The following NPHP3 variants were observed in gnomAD, a reference collection of about 807,000 sequenced individuals.
The protein encoded by NPHP3 is nephrocystin-3.
Under a neutral mutation model 171.9 loss-of-function variants are expected in NPHP3, and 123 were observed. The ratio of observed to expected loss-of-function variants is 0.72; its 90% CI spans 0.62 to 0.83. NPHP3 has a LOEUF of 0.83. Ranked by LOEUF, NPHP3 falls within the 40% of genes least tolerant of loss-of-function variation. The pLI, the probability that NPHP3 is intolerant of heterozygous loss-of-function variation, is 0.00. For synonymous variants in NPHP3, 558 were observed against 579.2 expected (o/e 0.96, Z 0.52); for missense variants, 1,506 against 1,591.9 (o/e 0.95, Z 0.92).
intron 6 of NPHP3, among the ~76,000 whole-genome samples, chr3:132,708,633 G>A (rs2107991091): frequency 6.6e-6 from 1 of 152,306 alleles, no homozygotes; most frequent in South Asian, 2.1e-4. Flanking sequence ...ATTTAAAAAT[G>A]TATAATTTCC....
intron 6 of NPHP3, chr3:132,712,290 A>C: frequency 2.5e-6 from 1 of 394,534 alleles, no homozygotes; most frequent in Non-Finnish European, 5.0e-6. Flanking sequence ...TACATAGTTC[A>C]AATACCTCTC....
In NPHP3 at chr3:132,718,997, T is replaced by C; in HGVS notation, c.667A>G (p.Thr223Ala). Reference sequence around the variant, plus strand: ...TATAAATAGGATATACACTTACCAGTGACATCTGTACAGTTGTCATCTGAA... The same window carrying C: ...TATAAATAGGATATACACTTACCAGCGACATCTGTACAGTTGTCATCTGAA... ...SDSDDNCTDV[T>A]AAGTQCEYWT... The change falls in exon 3 of 27, where the codon ACT (threonine) becomes GCT (alanine). Residue 223 changes from threonine to alanine, a missense_variant. Physicochemically the swap from Thr to Ala is moderately conservative, Grantham distance 58. Coordinates refer to ENST00000337331, the MANE Select transcript of NPHP3 (RefSeq NM_153240.5). 1 of 1,614,146 alleles carries C rather than the reference T, an allele frequency of 6.2e-7. No homozygotes were observed.
At position 132,722,238 on chromosome 3, in the gene NPHP3, G is replaced by A. The variant is rs374281831; in HGVS notation, c.118C>T (p.Leu40=). The change falls in exon 1 of 27, where the codon CTG becomes TTG. Residue 40 remains leucine (L), a synonymous_variant. Coordinates refer to ENST00000337331, the MANE Select transcript of NPHP3 (RefSeq NM_153240.5). The stretch of plus-strand genomic sequence containing the variant: ...CCTCGGCGGAACGAGTTGCGCAGCA[G>A]GCGGGCCTTGGGCTTCACCTCCACC... ...IPVEVKPKAR[L]LRNSFRRGAG... The A allele has an allele frequency of 6.3e-5, 99 of 1,559,948 alleles. No homozygotes were observed. The African/African-American group carries it at 1.2e-3, about 18-fold the overall frequency.
intron 1 of NPHP3, 43 bp downstream of exon 1, chr3:132,721,920 C>T (rs776186448): frequency 6.2e-7 from 1 of 1,604,640 alleles, no homozygotes; most frequent in Non-Finnish European, 8.5e-7. Context: ...GACGGCCGTG[C>T]TTCCCAAGGG....
intron 10 of NPHP3, 36 bp from the exon 11 acceptor site, chr3:132,700,484 A>G (rs756271609): frequency 1.5e-6 from 2 of 1,303,716 alleles, no homozygotes; most frequent in African/African-American, 2.9e-5. Context: ...TAAAACCGAT[A>G]AAGTTCCTTG....
chr3:132,685,949 G>A, intron 23 of NPHP3: 4 of 326,290 alleles, frequency 1.2e-5, no homozygotes, highest in Middle Eastern at 1.1e-3. Flanking sequence ...TACTCAGGAG[G>A]CTGAGGCAGG....
chr3:132,703,586 T>C (rs1037370763), intron 9 of NPHP3, among the ~76,000 whole-genome samples: 6 of 151,020 alleles, frequency 4.0e-5, no homozygotes, highest in Non-Finnish European at 7.4e-5. Flanking sequence ...TTTCTTTTTT[T>C]TTTTTTTTTT....
rs764568785 is a variant in NPHP3, at chr3:132,721,956, G to A, written c.393+7C>T. On this transcript the variant is annotated splice_region_variant and intron_variant, in intron 1 of 26. Coordinates refer to ENST00000337331, the MANE Select transcript of NPHP3 (RefSeq NM_153240.5). ...TCTCCCGGCGTCGCGGCCCAGCCCG[G>A]CGTTACCTGCAGTTCGGCCCGCAGC... The A allele has an allele frequency of 1.9e-6, 3 of 1,612,010 alleles. No individual in the cohort carries two copies. In the Admixed American group the frequency reaches 5.0e-5, roughly 27 times the overall value.
At chr3:132,713,319 T>C (rs779530241) in intron 5 of NPHP3, 33 bp from the exon 6 acceptor site, 7 of 1,471,996 alleles carry the variant, frequency 4.8e-6, no homozygotes, top group South Asian at 1.2e-5. Context: ...AAAAGTTTAA[T>C]GTATTTAACT....
At chr3:132,705,567 T>TC (rs1389300156) in intron 8 of NPHP3, 173 bp downstream of exon 8, 1 of 545,192 alleles carries the variant, frequency 1.8e-6, no homozygotes, top group Non-Finnish European at 3.4e-6. Context: ...TAATACATGG[T>TC]CCTAGTAATA....
chr3:132,696,953 T>C, intron 14 of NPHP3, 140 bp from the exon 15 acceptor site: 2 of 760,328 alleles, frequency 2.6e-6, no homozygotes, highest in Non-Finnish European at 4.6e-6. Flanking sequence ...CAACATGCAG[T>C]GGTGGCTCCT....
Position 132,708,165 on chromosome 3 carries a change from C to T in NPHP3, c.1211G>A (p.Ser404Asn). 1 of 1,614,146 alleles carries T rather than the reference C, an allele frequency of 6.2e-7. No homozygotes were observed. The highest frequency in any genetic ancestry group is 1.3e-5 in the African/African-American group (1 of 75,060). ...AATCAATTGCTGGACAGAGTCAGAACTGACTTTTCCATCTTCCAAACGATG... is the reference window on the plus strand; with the variant it reads ...AATCAATTGCTGGACAGAGTCAGAATTGACTTTTCCATCTTCCAAACGATG... Reference protein sequence around the residue: ...IFHRLEDGKVSSDSVQQLIDQ... With the variant: ...IFHRLEDGKVNSDSVQQLIDQ... Residue 404 changes from serine to asparagine, a missense_variant, in exon 7 of 27, where the codon AGT becomes AAT. Physicochemically the swap from Ser to Asn is conservative, Grantham distance 46 (BLOSUM62 1). This residue lies in a region of NPHP3 where 930 missense variants were observed against 924.9 expected (regional missense o/e 1.01). Coordinates refer to ENST00000337331, the MANE Select transcript of NPHP3 (RefSeq NM_153240.5).
intron 1 of NPHP3, among the ~76,000 whole-genome samples, chr3:132,720,133 T>C (rs965272337): frequency 6.6e-6 from 1 of 152,202 alleles, no homozygotes; most frequent in African/African-American, 2.4e-5. Flanking sequence ...ATCTTTGTGA[T>C]AGTAAAAATT....
At chr3:132,694,380 TAC>T (rs200727979) in intron 16 of NPHP3, among the ~76,000 whole-genome samples, 1 of 144,466 alleles carries the variant, frequency 6.9e-6, no homozygotes. Flanking sequence ...TGTGTGTGTT[TAC>T]ACACACACAC....
intron 3 of NPHP3, among the ~76,000 whole-genome samples, 191 bp downstream of exon 3, chr3:132,718,803 A>G (rs1328829535): frequency 6.6e-6 from 1 of 152,234 alleles, no homozygotes; most frequent in East Asian, 1.9e-4. Flanking sequence ...TCAGTCCCCA[A>G]ATTCATACAC....
intron 4 of NPHP3, among the ~76,000 whole-genome samples, chr3:132,715,553 T>C (rs1268417538): frequency 6.6e-6 from 1 of 152,252 alleles, no homozygotes; most frequent in Non-Finnish European, 1.5e-5. Context: ...TTTACTTTCT[T>C]ATTATTCTTG....
intron 6 of NPHP3, among the ~76,000 whole-genome samples, chr3:132,709,854 C>T (rs992291535): frequency 2.6e-5 from 4 of 152,136 alleles, no homozygotes; most frequent in Admixed American, 2.6e-4. Flanking sequence ...ATCACTCTGG[C>T]CATGTTCTAT....
In NPHP3 at chr3:132,694,903, A is replaced by T; in HGVS notation, c.2234T>A (p.Leu745His). 3 of 1,613,832 alleles carry T rather than the reference A, an allele frequency of 1.9e-6. No homozygotes were observed. Among genetic ancestry groups the T allele is most frequent in the Non-Finnish European group, 2.5e-6 (3 of 1,179,816 alleles). The change falls in exon 16 of 27, where the codon CTT becomes CAT. Residue 745 changes from leucine (L) to histidine (H), a missense_variant. By Grantham distance (99) the Leu-to-His change is moderately conservative. This residue lies in a region of NPHP3 where 930 missense variants were observed against 924.9 expected (regional missense o/e 1.01). Coordinates refer to ENST00000337331, the MANE Select transcript of NPHP3 (RefSeq NM_153240.5). The stretch of plus-strand genomic sequence containing the variant: ...GTGCAGAACAAGTCTATATAATGAA[A>T]GAGTATCTTGACACTGGAAACACTG... ...LHQCFQCQDT[L>H]SLYRLVLHSI...
At chr3:132,712,802 T>TG (rs1160363201) in intron 6 of NPHP3, among the ~76,000 whole-genome samples, 6 of 151,900 alleles carry the variant, frequency 3.9e-5, no homozygotes, top group South Asian at 2.1e-4. Context: ...TATATATGAA[T>TG]GAATGAATGT....
Sources: gnomAD v4.1 joint callset for allele counts (sites outside exome capture counted in the v4.1 genomes callset) on GRCh38, gnomAD v4.1.1 for gene constraint, gnomAD v4.1.1 regional missense constraint, MANE v1.5 for transcripts, NCBI Gene and HGNC (gene_info 2026-07-23, HGNC 2026-07-21) for gene names.